The following PLEKHM1 variants were observed in gnomAD, a reference collection of about 807,000 sequenced individuals.
The protein encoded by PLEKHM1 is pleckstrin homology domain-containing family M member 1.
PLEKHM1 carries 28 observed loss-of-function variants against 94.3 expected under a neutral mutation model. The ratio of observed to expected loss-of-function variants is 0.30; its 90% CI spans 0.22 to 0.41. The LOEUF (loss-of-function observed/expected upper bound fraction) is 0.41, where lower values mean the gene tolerates loss of function less well. Among genes scored for constraint, PLEKHM1 ranks in the 10% least tolerant of loss-of-function variants. The probability of loss-of-function intolerance (pLI) is 1.00; values close to 1 mark genes in which losing one functional copy is unlikely to be tolerated. For missense variants in PLEKHM1, 907 were observed against 1,358.6 expected (o/e 0.67, Z 5.22); for synonymous variants, 424 against 581.2 (o/e 0.73, Z 3.89).
chr17:45,453,661 T>C lies in PLEKHM1; in HGVS notation c.2191A>G (p.Ile731Val). ...MLSDSHGVET[I>V]RDILPDTSLG... ...CTGGTGTCTGGCAGGATGTCCCGGA[T>C]GGTCTCCACGCCGTGGCTGTCACTC... The change falls in exon 7 of 12, where the codon ATC (isoleucine) becomes GTC (valine). Residue 731 changes from isoleucine (I) to valine (V), a missense_variant. Ile to Val is a conservative substitution (Grantham distance 29, BLOSUM62 3). Around this residue, in one of 3 missense-constraint regions of PLEKHM1, gnomAD observed 254 missense variants for 451.1 expected, o/e 0.56. Transcript: ENST00000430334. The surrounding 1 kb of genome is among the most constrained non-coding windows in gnomAD (Gnocchi z 4.1). 1 of 1,613,058 alleles carries C rather than the reference T, an allele frequency of 6.2e-7. No homozygotes were observed. The highest frequency in any genetic ancestry group is 8.5e-7 in the Non-Finnish European group (1 of 1,179,460).
intron 6 of PLEKHM1, among the ~76,000 whole-genome samples, chr17:45,457,113 G>C (rs1286060136): frequency 6.7e-6 from 1 of 149,716 alleles, no homozygotes; most frequent in Non-Finnish European, 1.5e-5. Flanking sequence ...AAAGGCTGCA[G>C]TGAGCTGAGA....
At chr17:45,454,727 T>C (rs2050892804) in intron 6 of PLEKHM1, 1 of 285,204 alleles carries the variant, frequency 3.5e-6, no homozygotes, top group South Asian at 4.5e-5. Flanking sequence ...ACATGCACGC[T>C]GTCATTTCTC....
At chr17:45,465,638 A>G (rs550297260) in intron 5 of PLEKHM1, among the ~76,000 whole-genome samples, 20 of 152,286 alleles carry the variant, frequency 1.3e-4, no homozygotes, top group Admixed American at 9.8e-4. Flanking sequence ...TGAACTTAGG[A>G]GGCGGAGGTT....
At chr17:45,473,809 C>T (rs547955600) in intron 4 of PLEKHM1, among the ~76,000 whole-genome samples, 8 of 152,110 alleles carry the variant, frequency 5.3e-5, no homozygotes, top group East Asian at 3.9e-4. Context: ...CCGCCCGCCT[C>T]GGCCTCCCAA....
At chr17:45,440,345 GCA>G in intron 9 of PLEKHM1, 119 bp from the exon 10 acceptor site, 2 of 998,772 alleles carry the variant, frequency 2.0e-6, no homozygotes, top group African/African-American at 1.6e-5. Flanking sequence ...CCTGGGCGGG[GCA>G]GGGGCTAGGA....
Position 45,445,763 on chromosome 17 carries a change from A to G in PLEKHM1, c.2644-100T>C. Reference sequence around the variant, plus strand: ...GACCTGCTCACTTACCTGAGGGGCTATCTTCATTTTACAGATGGGGAAACT... The same window carrying G: ...GACCTGCTCACTTACCTGAGGGGCTGTCTTCATTTTACAGATGGGGAAACT... On this transcript the variant is annotated intron_variant, in intron 8 of 11. Transcript: ENST00000430334. This position sits in a 1 kb window ranked among gnomAD's most constrained non-coding sequence, Gnocchi z 4.2. 2.4e-6 allele frequency: 2 copies of G among 834,082 alleles called. No homozygotes were observed. The allele number at this position is 834,082 out of a possible 1,614,324, so 51.7% of individuals were successfully genotyped here. A position where few individuals can be genotyped will look rare whatever the true frequency, so the allele number is the denominator to read the frequency against.
At chr17:45,473,804 C>T (rs1422828654) in intron 4 of PLEKHM1, among the ~76,000 whole-genome samples, 2 of 151,890 alleles carry the variant, frequency 1.3e-5, no homozygotes, top group Admixed American at 6.6e-5. Flanking sequence ...GTGATCCGCC[C>T]GCCTCGGCCT....
chr17:45,490,679 G>A lies in PLEKHM1; in HGVS notation c.-69C>T, dbSNP rs1420477160. Reference sequence around the variant, plus strand: ...AGCGGAGCGAGGAGCGAGGCGAGGGGCGCTCCCGGCCGCGGCAGCCCCTCA... The same window carrying A: ...AGCGGAGCGAGGAGCGAGGCGAGGGACGCTCCCGGCCGCGGCAGCCCCTCA... On this transcript the variant is annotated 5_prime_UTR_variant, in exon 1 of 12. Coordinates refer to ENST00000430334, the MANE Select transcript of PLEKHM1 (RefSeq NM_014798.3). The A allele has an allele frequency of 4.4e-6, 2 of 450,462 alleles. No individual in the cohort carries two copies. Among genetic ancestry groups the A allele is most frequent in the Non-Finnish European group, 8.9e-6 (2 of 224,618 alleles). 27.9% of individuals were successfully genotyped at this position (450,462 alleles called of 1,614,324 possible). A position where few individuals can be genotyped will look rare whatever the true frequency, so the allele number is the denominator to read the frequency against.
chr17:45,452,076 TG>T (rs1465124934), intron 7 of PLEKHM1, among the ~76,000 whole-genome samples: 2 of 152,180 alleles, frequency 1.3e-5, no homozygotes, highest in Non-Finnish European at 2.9e-5. Flanking sequence ...CTTCTTGCTC[TG>T]GCCTTCTGCA....
intron 4 of PLEKHM1, among the ~76,000 whole-genome samples, chr17:45,473,621 C>T (rs940725223): frequency 4.0e-5 from 6 of 151,608 alleles, no homozygotes; most frequent in Non-Finnish European, 5.9e-5. Flanking sequence ...TGCAGTGGCA[C>T]GATCTCGGCT....
intron 4 of PLEKHM1, among the ~76,000 whole-genome samples, chr17:45,471,566 G>A (rs1305329421): frequency 6.6e-6 from 1 of 151,542 alleles, no homozygotes; most frequent in Non-Finnish European, 1.5e-5. Context: ...AGTTCACCTG[G>A]CCAACATAGT....
rs926160884 is a variant in PLEKHM1, at chr17:45,445,764, T to G, written c.2644-101A>C. On this transcript the variant is annotated intron_variant, in intron 8 of 11. Transcript: ENST00000430334. The surrounding 1 kb of genome is among the most constrained non-coding windows in gnomAD (Gnocchi z 4.2). ...ACCTGCTCACTTACCTGAGGGGCTA[T>G]CTTCATTTTACAGATGGGGAAACTG... The G allele has an allele frequency of 7.1e-5, 59 of 827,886 alleles. No homozygotes were observed. Among genetic ancestry groups the G allele is most frequent in the Admixed American group, 4.6e-4 (24 of 52,456 alleles). The allele number at this position is 827,886 out of a possible 1,614,324, so 51.3% of individuals were successfully genotyped here.
chr17:45,487,277 G>A (rs935063130), intron 1 of PLEKHM1, among the ~76,000 whole-genome samples: 4 of 152,082 alleles, frequency 2.6e-5, no homozygotes, highest in Non-Finnish European at 4.4e-5. Flanking sequence ...CAGCAATCCC[G>A]TGAGAGAGTG....
chr17:45,470,379 C>T (rs1169174513), intron 4 of PLEKHM1, among the ~76,000 whole-genome samples: 2 of 152,276 alleles, frequency 1.3e-5, no homozygotes, highest in Admixed American at 6.5e-5. Flanking sequence ...ATTGTAATCC[C>T]AGCACTTTGG....
intron 5 of PLEKHM1, among the ~76,000 whole-genome samples, chr17:45,461,429 T>G (rs1224550432): frequency 6.6e-6 from 1 of 152,254 alleles, no homozygotes; most frequent in Non-Finnish European, 1.5e-5. Context: ...GTTGTTTTTG[T>G]GCTTCTGGTG....
intron 1 of PLEKHM1, among the ~76,000 whole-genome samples, 183 bp downstream of exon 1, chr17:45,490,469 G>A (rs2052278504): frequency 6.6e-6 from 1 of 152,108 alleles, no homozygotes; most frequent in African/African-American, 2.4e-5. Flanking sequence ...GGCGGTGCAG[G>A]GGGAAGGCTG....
intron 2 of PLEKHM1, among the ~76,000 whole-genome samples, chr17:45,479,203 G>A (rs959073139): frequency 5.9e-5 from 9 of 151,958 alleles, no homozygotes; most frequent in African/African-American, 2.2e-4. Context: ...ATGAAACCCT[G>A]TCTCTACTAA....
At chr17:45,449,915 T>TAACTACCTGCCCATCCACCC (rs1367534310) in intron 8 of PLEKHM1, among the ~76,000 whole-genome samples, 2 of 145,052 alleles carry the variant, frequency 1.4e-5, no homozygotes, top group Non-Finnish European at 3.0e-5. Flanking sequence ...TTCATCCACC[T>TAACTACCTGCCCATCCACCC]AACTACCTGC....
At position 45,436,099 on chromosome 17, in the gene PLEKHM1, G is replaced by A. The variant is rs2050247218; in HGVS notation, c.*1759C>T. ...GCGGGAAGAGTCAATGCATCTGAAA[G>A]CACTGGCAGCTTCTGGGGAACGGGC... On this transcript the variant is annotated 3_prime_UTR_variant, in exon 12 of 12. Transcript: ENST00000430334. 2.2e-6 allele frequency: 1 copy of A among 456,402 alleles called. No individual in the cohort carries two copies. The highest frequency in any genetic ancestry group is 2.0e-5 in the African/African-American group (1 of 50,080). The allele number at this position is 456,402 out of a possible 1,614,324, so 28.3% of individuals were successfully genotyped here.
Sources: gnomAD v4.1 joint callset for allele counts (sites outside exome capture counted in the v4.1 genomes callset) on GRCh38, gnomAD v4.1.1 for gene constraint, gnomAD v4.1.1 regional missense constraint, Gnocchi (gnomAD v3.1) non-coding constraint, MANE v1.5 for transcripts, NCBI Gene and HGNC (gene_info 2026-07-23, HGNC 2026-07-21) for gene names.